TRPM6: variants seen among roughly 807,000 people sequenced by gnomAD.
The protein encoded by TRPM6 is transient receptor potential cation channel subfamily M member 6, also known as channel kinase 2.
TRPM6 carries 111 observed loss-of-function variants against 247.6 expected under a neutral mutation model. The ratio of observed to expected loss-of-function variants is 0.45; its 90% CI spans 0.38 to 0.52. The LOEUF (loss-of-function observed/expected upper bound fraction) is 0.52, where lower values mean the gene tolerates loss of function less well. Ranked by LOEUF, TRPM6 falls within the 20% of genes least tolerant of loss-of-function variation. The probability of loss-of-function intolerance (pLI) is 0.00; values close to 1 mark genes in which losing one functional copy is unlikely to be tolerated. For missense variants in TRPM6, 2,126 were observed against 2,421.5 expected (o/e 0.88, Z 2.56); for synonymous variants, 892 against 853.8 (o/e 1.04, Z -0.78).
Position 74,771,834 on chromosome 9 carries a change from T to G in TRPM6, c.3405A>C (p.Lys1135Asn). The change falls in exon 25 of 39, where the codon AAA becomes AAC. Residue 1135 changes from lysine (K) to asparagine (N), a missense_variant and splice_region_variant. Coordinates refer to ENST00000360774, the MANE Select transcript of TRPM6 (RefSeq NM_017662.5). ...HDQEEGDVGL[K>N]LYLSKEDLKK... ...TCAGATCCTCCTTACTGAGGTAGAG[T>G]TCTATAGAAATAAGTATGAAACACA... The G allele has an allele frequency of 1.2e-6, 2 of 1,613,684 alleles. No individual in the cohort carries two copies. The highest frequency in any genetic ancestry group is 1.7e-6 in the Non-Finnish European group (2 of 1,179,742).
In TRPM6 at chr9:74,821,833, T is replaced by C. The variant is rs560622262; in HGVS notation, c.846A>G (p.Ser282=). 9.5e-5 allele frequency: 153 copies of C among 1,613,920 alleles called. No homozygotes were observed. The highest frequency in any genetic ancestry group is 1.3e-4 in the Non-Finnish European group (152 of 1,179,980). ...GCCCCACGACCGGCACGCCTTGTCT[T>C]GAGCCTATTCCAGACCACAAACAAT... The part of the protein sequence containing the change: ...YLSLQKIHCR[S]RQGVPVVGLV... Residue 282 remains serine, a synonymous_variant, in exon 8 of 39, where the codon TCA becomes TCG. Coordinates refer to ENST00000360774, the MANE Select transcript of TRPM6 (RefSeq NM_017662.5).
chr9:74,795,120 T>C (rs1828044392), intron 18 of TRPM6, among the ~76,000 whole-genome samples: 1 of 152,106 alleles, frequency 6.6e-6, no homozygotes, highest in Non-Finnish European at 1.5e-5. Context: ...TATCCTTGTG[T>C]CCCTTCAAGA....
intron 1 of TRPM6, among the ~76,000 whole-genome samples, chr9:74,859,773 CAAAA>C (rs946269078): frequency 1.3e-5 from 1 of 76,012 alleles, no homozygotes. Flanking sequence ...GACTCTGTCT[CAAAA>C]AAAAAAAAAA....
At chr9:74,816,242 G>A (rs1228453664) in intron 11 of TRPM6, among the ~76,000 whole-genome samples, 1 of 151,982 alleles carries the variant, frequency 6.6e-6, no homozygotes, top group Non-Finnish European at 1.5e-5. Context: ...GGTGGCATGC[G>A]CCTGTGGTCC....
At chr9:74,811,058 T>A (rs1421208468) in intron 12 of TRPM6, among the ~76,000 whole-genome samples, 190 bp from the exon 13 acceptor site, 1 of 152,202 alleles carries the variant, frequency 6.6e-6, no homozygotes, top group African/African-American at 2.4e-5. Flanking sequence ...ATATGAAATA[T>A]TTTTCAAAGC....
At chr9:74,787,380 A>G (rs1261597404) in intron 20 of TRPM6, among the ~76,000 whole-genome samples, 1 of 152,030 alleles carries the variant, frequency 6.6e-6, no homozygotes, top group Non-Finnish European at 1.5e-5. Context: ...ATTGGAACTC[A>G]CTAAGATAAG....
chr9:74,855,925 C>T (rs745652664), intron 2 of TRPM6, among the ~76,000 whole-genome samples: 10 of 152,030 alleles, frequency 6.6e-5, no homozygotes, highest in Non-Finnish European at 1.5e-4. Flanking sequence ...CTGGTAAAGA[C>T]AGTGTGTACA....
chr9:74,776,097 G>T, intron 23 of TRPM6, 21 bp from the exon 24 acceptor site: 1 of 1,594,746 alleles, frequency 6.3e-7, no homozygotes, highest in South Asian at 1.1e-5. Context: ...AAGTAAGAGA[G>T]GGACAATGTT....
intron 23 of TRPM6, among the ~76,000 whole-genome samples, chr9:74,777,113 G>A (rs77713603): frequency 0.028 from 4,322 of 152,260 alleles, 191 homozygotes; most frequent in African/African-American, 0.093. Flanking sequence ...CATGTTTTCT[G>A]AACCAGCAGC....
chr9:74,756,839 C>A (rs1401516800), intron 27 of TRPM6, among the ~76,000 whole-genome samples: 1 of 150,352 alleles, frequency 6.7e-6, no homozygotes, highest in East Asian at 2.0e-4. Flanking sequence ...AGAGTGAAAC[C>A]CTGTCTCAAA....
intron 17 of TRPM6, among the ~76,000 whole-genome samples, chr9:74,798,177 T>C (rs1220109908): frequency 6.6e-6 from 1 of 152,134 alleles, no homozygotes; most frequent in Non-Finnish European, 1.5e-5. Flanking sequence ...AGTATTCTGG[T>C]ATTCAGTGAT....
chr9:74,827,971 G>C (rs1409323669), intron 6 of TRPM6, 22 bp from the exon 7 acceptor site: 1 of 1,613,206 alleles, frequency 6.2e-7, no homozygotes, highest in Non-Finnish European at 8.5e-7. Context: ...CAAGGACAAG[G>C]GAGGGTCAGA....
At chr9:74,737,398 C>T in intron 36 of TRPM6, 1 of 1,289,796 alleles carries the variant, frequency 7.8e-7, no homozygotes, top group Non-Finnish European at 1.0e-6. Context: ...CTTATCTCTA[C>T]ATTCTCCAAC....
At chr9:74,729,975 A>T (rs1366423832) in intron 37 of TRPM6, among the ~76,000 whole-genome samples, 2 of 152,224 alleles carry the variant, frequency 1.3e-5, no homozygotes, top group Non-Finnish European at 1.5e-5. Flanking sequence ...AAAAGAATCA[A>T]AATTAATACC....
At chr9:74,827,703 A>G (rs758517669) in intron 7 of TRPM6, 75 bp downstream of exon 7, 1 of 1,498,748 alleles carries the variant, frequency 6.7e-7, no homozygotes, top group East Asian at 2.3e-5. Flanking sequence ...GTGAGCTCTG[A>G]TGGTCAGGGA....
At chr9:74,752,883 C>T (rs1453549566) in intron 28 of TRPM6, among the ~76,000 whole-genome samples, 1 of 152,078 alleles carries the variant, frequency 6.6e-6, no homozygotes, top group South Asian at 2.1e-4. Context: ...GAGGCCAAGG[C>T]GGGTGGATCA....
intron 13 of TRPM6, among the ~76,000 whole-genome samples, chr9:74,809,046 C>T (rs916473679): frequency 6.6e-6 from 1 of 152,122 alleles, no homozygotes; most frequent in Non-Finnish European, 1.5e-5. Flanking sequence ...CTTTGTCTAC[C>T]CAGAGTTTAG....
intron 23 of TRPM6, among the ~76,000 whole-genome samples, chr9:74,778,217 A>T (rs1393366869): frequency 6.6e-6 from 1 of 152,202 alleles, no homozygotes; most frequent in Non-Finnish European, 1.5e-5. Flanking sequence ...CTAAGGCTCC[A>T]GAAGGAAGGG....
At chr9:74,742,481 G>T in intron 33 of TRPM6, 80 bp downstream of exon 33, 2 of 1,340,490 alleles carry the variant, frequency 1.5e-6, no homozygotes, top group Non-Finnish European at 2.1e-6. Context: ...CTAAAATAAT[G>T]CAATGTGGTT....
Sources: allele counts gnomAD v4.1 joint callset (sites outside exome capture counted in the v4.1 genomes callset), GRCh38; gene constraint gnomAD v4.1.1; transcripts MANE v1.5; gene names NCBI Gene and HGNC (gene_info 2026-07-23, HGNC 2026-07-21).